The following CSMD3 variants were observed in gnomAD, a reference collection of about 807,000 sequenced individuals.
CSMD3 encodes CUB and sushi domain-containing protein 3.
Under a neutral mutation model 435.2 loss-of-function variants are expected in CSMD3, and 177 were observed. The ratio of observed to expected loss-of-function variants is 0.41; its 90% CI spans 0.36 to 0.46. The LOEUF (loss-of-function observed/expected upper bound fraction) is 0.46, where lower values mean the gene tolerates loss of function less well. Ranked by LOEUF, CSMD3 falls within the 20% of genes least tolerant of loss-of-function variation. The pLI, the probability that CSMD3 is intolerant of heterozygous loss-of-function variation, is 0.34. For missense variants in CSMD3, 4,265 were observed against 4,504.6 expected, an observed-to-expected ratio of 0.95 and a Z score of 1.52; for synonymous variants, 1,656 against 1,520.5, an observed-to-expected ratio of 1.09 and a Z score of -2.07.
At chr8:113,302,957 G>C (rs1423472642) in intron 2 of CSMD3, among the ~76,000 whole-genome samples, 2 of 125,884 alleles carry the variant, frequency 1.6e-5, no homozygotes, top group Non-Finnish European at 3.2e-5. Flanking sequence ...ATTAGGAAAA[G>C]AGGAAGTCAA....
At chr8:112,243,054 T>C (rs1814318216) in intron 65 of CSMD3, among the ~76,000 whole-genome samples, 1 of 152,108 alleles carries the variant, frequency 6.6e-6, no homozygotes, top group Non-Finnish European at 1.5e-5. Context: ...TTGAATGCTT[T>C]TCACATGTAA....
At position 112,552,636 on chromosome 8, in the gene CSMD3, C is replaced by G. The variant is rs756361881; in HGVS notation, c.4319G>C (p.Arg1440Pro). The G allele has an allele frequency of 6.2e-7, 1 of 1,612,086 alleles. No homozygotes were observed. Among genetic ancestry groups the G allele is most frequent in the South Asian group, 1.1e-5 (1 of 91,058 alleles). Residue 1440 changes from arginine (R) to proline (P), a missense_variant, in exon 26 of 71, where the codon CGT (arginine) becomes CCT (proline). By Grantham distance (103) the Arg-to-Pro change is moderately radical. Coordinates refer to ENST00000297405, the MANE Select transcript of CSMD3 (RefSeq NM_198123.2). ...ATCTACCTCAATCATCCACATGCAA[C>G]GCAGGTTATTGTCATATGGAAAAGG... ...GYPFPYDNNLRCMWMIEVDPG... is the reference protein window; with the variant it reads ...GYPFPYDNNLPCMWMIEVDPG...
chr8:113,303,118 C>G (rs2132603635), intron 2 of CSMD3, among the ~76,000 whole-genome samples: 1 of 145,694 alleles, frequency 6.9e-6, no homozygotes, highest in East Asian at 2.0e-4. Flanking sequence ...ACAACAACAA[C>G]AGACAAACAG....
intron 38 of CSMD3, among the ~76,000 whole-genome samples, chr8:112,365,519 A>G (rs1390718084): frequency 7.6e-6 from 1 of 130,938 alleles, no homozygotes; most frequent in East Asian, 2.2e-4. Flanking sequence ...CCATCTTCTT[A>G]TAACATGTTT....
At chr8:112,237,119 C>T (rs1586485601) in intron 67 of CSMD3, 71 bp downstream of exon 67, 3 of 1,496,888 alleles carry the variant, frequency 2.0e-6, no homozygotes, top group Non-Finnish European at 2.8e-6. Context: ...AAAAGCATTA[C>T]TAAAAATGAT....
chr8:113,275,513 T>C (rs2093562996), intron 3 of CSMD3, among the ~76,000 whole-genome samples: 1 of 152,108 alleles, frequency 6.6e-6, no homozygotes, highest in Non-Finnish European at 1.5e-5. Context: ...ATGCATGTGG[T>C]TCAGTGTTGA....
intron 4 of CSMD3, among the ~76,000 whole-genome samples, chr8:113,100,263 C>G (rs530086534): frequency 1.3e-5 from 2 of 152,136 alleles, no homozygotes; most frequent in African/African-American, 2.4e-5. Flanking sequence ...TGCTCTTTCT[C>G]TCTTAAGTTT....
chr8:112,612,709 CTTTTTTTTTTTTTT>C (rs532290154), intron 22 of CSMD3, among the ~76,000 whole-genome samples: 35 of 65,888 alleles, frequency 5.3e-4, no homozygotes, highest in Non-Finnish European at 7.5e-4. Flanking sequence ...TTTCTTTGTT[CTTTTTTTTTTTTTT>C]TTTTTTTTTT....
At chr8:112,398,067 G>A (rs73700692) in intron 35 of CSMD3, among the ~76,000 whole-genome samples, 3,113 of 152,164 alleles carry the variant, frequency 0.02, 103 homozygotes, top group African/African-American at 0.071. Flanking sequence ...AGACAGGCAC[G>A]GGACAGATAT....
At chr8:113,241,389 C>T (rs1332906054) in intron 3 of CSMD3, among the ~76,000 whole-genome samples, 1 of 151,740 alleles carries the variant, frequency 6.6e-6, no homozygotes, top group Non-Finnish European at 1.5e-5. Context: ...GCAGTGGGTC[C>T]CTGAAAAGAT....
chr8:112,446,081 G>C (rs1464762068), intron 32 of CSMD3, among the ~76,000 whole-genome samples: 1 of 152,106 alleles, frequency 6.6e-6, no homozygotes, highest in Non-Finnish European at 1.5e-5. Context: ...AGTCAACTGA[G>C]ACTCAGAGAG....
chr8:112,535,429 A>G (rs866920726), intron 27 of CSMD3, among the ~76,000 whole-genome samples: 132 of 151,326 alleles, frequency 8.7e-4, no homozygotes, highest in Middle Eastern at 3.4e-3. Context: ...CAATTGCTTC[A>G]AAGAGAATAA....
intron 63 of CSMD3, among the ~76,000 whole-genome samples, chr8:112,247,649 G>A (rs1172981944): frequency 6.6e-6 from 1 of 152,090 alleles, no homozygotes; most frequent in Non-Finnish European, 1.5e-5. Context: ...GTTTGTACTA[G>A]CTTTTAAGGG....
intron 22 of CSMD3, among the ~76,000 whole-genome samples, chr8:112,613,524 C>G (rs1175131220): frequency 2.6e-5 from 4 of 151,976 alleles, no homozygotes; most frequent in Non-Finnish European, 4.4e-5. Flanking sequence ...AGATGTGAAC[C>G]AAATTGGTTG....
chr8:112,273,743 A>T (rs866119585), intron 59 of CSMD3, among the ~76,000 whole-genome samples: 1 of 150,670 alleles, frequency 6.6e-6, no homozygotes, highest in Admixed American at 6.6e-5. Flanking sequence ...AAAAAAAAAA[A>T]TTGAGTTGGA....
At chr8:113,401,292 A>G (rs1487474276) in intron 1 of CSMD3, among the ~76,000 whole-genome samples, 1 of 151,756 alleles carries the variant, frequency 6.6e-6, no homozygotes, top group Non-Finnish European at 1.5e-5. Context: ...AGCAGATTCC[A>G]AGAGATAAAT....
chr8:113,239,413 G>A lies in CSMD3; in HGVS notation c.514+39179C>T, dbSNP rs527912370. Among the ~76,000 whole-genome samples the A allele has an allele frequency of 2.0e-5, 3 of 152,206 alleles. No individual in the cohort carries two copies. The East Asian group carries it at 5.8e-4, about 29-fold the overall frequency. On this transcript the variant is annotated intron_variant, in intron 3 of 70. Transcript: ENST00000297405. ...GGATGAAGAACTGCATCAGATGAAC[G>A]TATGCCACTGTGATTTAGATATCTG...
At position 113,251,198 on chromosome 8, in the gene CSMD3, T is replaced by A. The variant is rs73701346; in HGVS notation, c.514+27394A>T. On this transcript the variant is annotated intron_variant, in intron 3 of 70. Transcript: ENST00000297405. ...ATTTGGATAATTCATCATTTTTTAATAACCGGAGTCACTAGCTCATTGATT... is the reference window on the plus strand; with the variant it reads ...ATTTGGATAATTCATCATTTTTTAAAAACCGGAGTCACTAGCTCATTGATT... 7.7e-3 allele frequency among the ~76,000 whole-genome samples: 1,169 copies of A among 152,178 alleles called. 19 individuals carry two copies. Among genetic ancestry groups the A allele is most frequent in the African/African-American group, 0.027 (1,119 of 41,548 alleles).
intron 3 of CSMD3, among the ~76,000 whole-genome samples, chr8:113,194,726 A>C (rs1195486023): frequency 6.6e-6 from 1 of 151,178 alleles, no homozygotes; most frequent in African/African-American, 2.4e-5. Context: ...AAAGTTTTTT[A>C]AATTTTTCGA....
Sources: allele counts gnomAD v4.1 joint callset (sites outside exome capture counted in the v4.1 genomes callset), GRCh38; gene constraint gnomAD v4.1.1; transcripts MANE v1.5; gene names NCBI Gene and HGNC (gene_info 2026-07-23, HGNC 2026-07-21).